Variants in SPATS2 observed in about 807,000 individuals in gnomAD.
SPATS2 encodes spermatogenesis-associated serine-rich protein 2.
A neutral mutation model predicts 63.7 loss-of-function variants in SPATS2; 38 were observed. The ratio of observed to expected loss-of-function variants is 0.60; its 90% CI spans 0.46 to 0.78. The LOEUF (loss-of-function observed/expected upper bound fraction) is 0.78. Among genes scored for constraint, SPATS2 ranks in the 30% least tolerant of loss-of-function variants. The pLI, the probability that SPATS2 is intolerant of heterozygous loss-of-function variation, is 0.00. For synonymous variants in SPATS2, 207 were observed against 232.9 expected (o/e 0.89, Z 1.01); for missense variants, 588 against 666.2 (o/e 0.88, Z 1.29).
chr12:49,494,687 T>C, intron 6 of SPATS2, 54 bp from the exon 7 acceptor site: 2 of 1,458,410 alleles, frequency 1.4e-6, no homozygotes, highest in Non-Finnish European at 1.8e-6. Flanking sequence ...CTCTAGGTTG[T>C]GGGGGAATCT....
chr12:49,461,118 C>T (rs1945814833), intron 3 of SPATS2, 81 bp downstream of exon 3: 1 of 1,452,430 alleles, frequency 6.9e-7, no homozygotes, highest in Admixed American at 1.8e-5. Flanking sequence ...AAAAACTGTC[C>T]TTCTAATGTG....
chr12:49,476,825 G>T (rs1427797034), intron 3 of SPATS2, among the ~76,000 whole-genome samples: 1 of 152,240 alleles, frequency 6.6e-6, no homozygotes, highest in African/African-American at 2.4e-5. Context: ...TTGGAACTTG[G>T]CTGGGCGCGG....
intron 2 of SPATS2, among the ~76,000 whole-genome samples, chr12:49,381,645 C>T (rs115560199): frequency 5.9e-5 from 9 of 152,250 alleles, no homozygotes; most frequent in African/African-American, 1.7e-4. Context: ...CCCTGTTATG[C>T]GACATTTGCT....
At position 49,503,655 on chromosome 12, in the gene SPATS2, A is replaced by AG. The variant is rs553100319; in HGVS notation, c.839+3450_839+3451insG. On this transcript the variant is annotated intron_variant, in intron 9 of 13. Coordinates refer to ENST00000552918, the MANE Select transcript of SPATS2 (RefSeq NM_023071.4). ...CAGAGCAAGACTCCATCTCAAAAAA[A>AG]AAAAAGAAAAAAGAAAGAGCTAAGT... Among the ~76,000 whole-genome samples, 211 of 151,978 alleles carry AG rather than the reference A, an allele frequency of 1.4e-3. 1 individual carries two copies. The highest frequency in any genetic ancestry group is 2.9e-3 in the Admixed American group (44 of 15,272).
In SPATS2 at chr12:49,452,931, G is replaced by A. The variant is rs1945649531; in HGVS notation, c.-243-7839G>A. ...CCAGCACTTTGGGAGGCCGAGGCGG[G>A]CGGATCACGAGGTCAGGAGATCGAG... On this transcript the variant is annotated intron_variant, in intron 2 of 13. Coordinates refer to ENST00000552918, the MANE Select transcript of SPATS2 (RefSeq NM_023071.4). 2.0e-5 allele frequency among the ~76,000 whole-genome samples: 3 copies of A among 152,014 alleles called. No individual in the cohort carries two copies. In the South Asian group the frequency reaches 6.2e-4, roughly 32 times the overall value.
At chr12:49,500,871 CTG>C (rs1372321915) in intron 9 of SPATS2, among the ~76,000 whole-genome samples, 2 of 152,112 alleles carry the variant, frequency 1.3e-5, no homozygotes, top group Non-Finnish European at 2.9e-5. Flanking sequence ...TAGAAAAAAT[CTG>C]TCTTTGCTTT....
In SPATS2 at chr12:49,372,940, TTGTGTGTGTGTGTGTGTG is replaced by T. The variant is rs56940721; in HGVS notation, c.-244+1685_-244+1702del. The stretch of plus-strand genomic sequence containing the variant: ...CTAGCCTCTCATTTGATTTTCTGTT[TTGTGTGTGTGTGTGTGTG>T]TGTGTGTGTGTGTGTGTGTGTGTGT... On this transcript the variant is annotated intron_variant, in intron 2 of 13. Coordinates refer to ENST00000552918, the MANE Select transcript of SPATS2 (RefSeq NM_023071.4). Among the ~76,000 whole-genome samples the T allele has an allele frequency of 9.4e-4, 122 of 130,134 alleles. No homozygotes were observed. The East Asian group carries it at 0.019, about 21-fold the overall frequency. The allele number at this position is 130,134 out of a possible 152,430, so 85.4% of individuals were successfully genotyped here.
intron 2 of SPATS2, among the ~76,000 whole-genome samples, chr12:49,447,533 G>A (rs761097312): frequency 5.9e-5 from 9 of 152,118 alleles, no homozygotes; most frequent in Admixed American, 1.3e-4. Context: ...CACTGTGCCC[G>A]GCCTGTTCTT....
At chr12:49,520,912 T>G (rs1268097009) in intron 11 of SPATS2, among the ~76,000 whole-genome samples, 3 of 151,914 alleles carry the variant, frequency 2.0e-5, no homozygotes, top group Admixed American at 6.6e-5. Flanking sequence ...AGAGACAGGG[T>G]TTCACCATGT....
intron 2 of SPATS2, among the ~76,000 whole-genome samples, chr12:49,412,775 G>A (rs139805183): frequency 6.6e-6 from 1 of 151,798 alleles, no homozygotes; most frequent in African/African-American, 2.4e-5. Context: ...TTCAAATAGT[G>A]TTTGAAGTTA....
At chr12:49,465,663 G>A (rs1945900281) in intron 3 of SPATS2, among the ~76,000 whole-genome samples, 1 of 152,080 alleles carries the variant, frequency 6.6e-6, no homozygotes, top group Admixed American at 6.6e-5. Flanking sequence ...TTCTTAATGG[G>A]CCGGGCGCGG....
chr12:49,500,450 CATA>C (rs1946545238), intron 9 of SPATS2, among the ~76,000 whole-genome samples: 1 of 152,130 alleles, frequency 6.6e-6, no homozygotes, highest in Non-Finnish European at 1.5e-5. Flanking sequence ...GAAAGGGACA[CATA>C]ATTATAGAGT....
intron 9 of SPATS2, among the ~76,000 whole-genome samples, chr12:49,503,746 T>G (rs1308834967): frequency 2.6e-5 from 4 of 152,170 alleles, no homozygotes; most frequent in Non-Finnish European, 5.9e-5. Flanking sequence ...GCTTACTGAT[T>G]ACTTAGTCAC....
intron 9 of SPATS2, among the ~76,000 whole-genome samples, chr12:49,503,598 A>G (rs1480751011): frequency 2.0e-5 from 3 of 149,074 alleles, no homozygotes; most frequent in South Asian, 2.2e-4. Context: ...GCAGTGAGCC[A>G]AGATCGCGCC....
At chr12:49,409,106 C>G (rs1433491634) in intron 2 of SPATS2, among the ~76,000 whole-genome samples, 1 of 152,108 alleles carries the variant, frequency 6.6e-6, no homozygotes, top group Non-Finnish European at 1.5e-5. Flanking sequence ...ATTCCAGGTA[C>G]TTCTAATGGT....
intron 1 of SPATS2, among the ~76,000 whole-genome samples, chr12:49,370,781 C>T (rs905330760): frequency 2.0e-5 from 3 of 152,188 alleles, no homozygotes; most frequent in African/African-American, 7.2e-5. Flanking sequence ...TTACTCCCCC[C>T]CAACCTCCTC....
rs901215574 is a variant in SPATS2, at chr12:49,419,910, A to G, written c.-243-40860A>G. On this transcript the variant is annotated intron_variant, in intron 2 of 13. Coordinates refer to ENST00000552918, the MANE Select transcript of SPATS2 (RefSeq NM_023071.4). Reference sequence around the variant, plus strand: ...TACTGTTTTATTGGTGCAATTAACAAAAGTAGTTCAGAGAAAAGATTCAAA... The same window carrying G: ...TACTGTTTTATTGGTGCAATTAACAGAAGTAGTTCAGAGAAAAGATTCAAA... Among the ~76,000 whole-genome samples, 5 of 152,248 alleles carry G rather than the reference A, an allele frequency of 3.3e-5. No individual in the cohort carries two copies. In the East Asian group the frequency reaches 7.7e-4, roughly 23 times the overall value.
chr12:49,490,596 C>A, intron 5 of SPATS2, 86 bp from the exon 6 acceptor site: 1 of 1,234,004 alleles, frequency 8.1e-7, no homozygotes, highest in Non-Finnish European at 1.2e-6. Context: ...AATTCTCCAG[C>A]AATTACAAAA....
At chr12:49,524,920 A>C (rs746244181) in intron 13 of SPATS2, 24 bp downstream of exon 13, 1 of 1,608,104 alleles carries the variant, frequency 6.2e-7, no homozygotes, top group East Asian at 2.2e-5. Context: ...TACACTGAGC[A>C]TGTTAGGAAG....
Sources: gnomAD v4.1 joint callset for allele counts (sites outside exome capture counted in the v4.1 genomes callset) on GRCh38, gnomAD v4.1.1 for gene constraint, MANE v1.5 for transcripts, NCBI Gene and HGNC (gene_info 2026-07-23, HGNC 2026-07-21) for gene names.